The following CENPC variants were observed in gnomAD, a reference collection of about 807,000 sequenced individuals.
CENPC encodes the protein centromere protein C, also known as CENP-C 1.
A neutral mutation model predicts 112.1 loss-of-function variants in CENPC; 63 were observed. That is an observed-to-expected ratio of 0.56 (90% CI 0.46 to 0.69). The LOEUF (loss-of-function observed/expected upper bound fraction) is 0.69. Ranked by LOEUF, CENPC falls within the 30% of genes least tolerant of loss-of-function variation. The pLI is 0.00. For missense variants in CENPC, 1,000 were observed against 1,103.8 expected (o/e 0.91, Z 1.33); for synonymous variants, 333 against 367.6 (o/e 0.91, Z 1.08).
chr4:67,481,512 A>C (rs993366316), intron 17 of CENPC, among the ~76,000 whole-genome samples: 3 of 152,230 alleles, frequency 2.0e-5, no homozygotes, highest in Non-Finnish European at 4.4e-5. Flanking sequence ...ACTATACTAT[A>C]AACATATAGT....
intron 9 of CENPC, chr4:67,511,025 C>T (rs1273053993): frequency 4.4e-6 from 2 of 455,944 alleles, no homozygotes; most frequent in South Asian, 1.5e-5. Flanking sequence ...TTTCAGGCAA[C>T]CTGGGGCAGA....
In CENPC at chr4:67,510,957, C is replaced by T. The variant is rs139081117; in HGVS notation, c.1612+1445G>A. On this transcript the variant is annotated intron_variant, in intron 9 of 18. Transcript: ENST00000273853. The stretch of plus-strand genomic sequence containing the variant: ...GAGATCTAGCACATTTATCCAAGTT[C>T]TGTAAGAATTTATTTACCCATCTGT... The T allele has an allele frequency of 8.2e-4, 373 of 455,028 alleles. 4 individuals are homozygous for T. Among genetic ancestry groups the T allele is most frequent in the African/African-American group, 6.7e-3 (335 of 50,150 alleles). The allele number at this position is 455,028 out of a possible 1,614,324, so 28.2% of individuals were successfully genotyped here.
rs751364436 is a variant in CENPC at position 67,514,488 on chromosome 4, T to C, written c.1030A>G (p.Arg344Gly). Residue 344 changes from arginine (R) to glycine (G), a missense_variant, in exon 8 of 19, where the codon AGA (arginine) becomes GGA (glycine). By Grantham distance (125) the Arg-to-Gly change is moderately radical. Transcript: ENST00000273853. ...TTATGATGCTTTTCTCTTGACTTTCTACCTTGAAGGAGTGCAGTGCTCTCA... is the reference window on the plus strand; with the variant it reads ...TTATGATGCTTTTCTCTTGACTTTCCACCTTGAAGGAGTGCAGTGCTCTCA... ...PAESTALLQGRKSREKHHNIL... is the reference protein window; with the variant it reads ...PAESTALLQGGKSREKHHNIL... The C allele has an allele frequency of 6.8e-6, 11 of 1,613,628 alleles. No homozygotes were observed. The South Asian group carries it at 1.2e-4, about 18-fold the overall frequency.
intron 18 of CENPC, among the ~76,000 whole-genome samples, chr4:67,473,150 G>A (rs1306604030): frequency 2.0e-5 from 3 of 151,496 alleles, no homozygotes; most frequent in South Asian, 2.1e-4. Context: ...GGCAGGTCTC[G>A]AACTCCTGGG....
In CENPC at chr4:67,490,003, T is replaced by G. The variant is rs370440331; in HGVS notation, c.2634A>C (p.Glu878Asp). The G allele has an allele frequency of 6.3e-7, 1 of 1,597,080 alleles. No individual in the cohort carries two copies. Among genetic ancestry groups the G allele is most frequent in the Non-Finnish European group, 8.5e-7 (1 of 1,171,706 alleles). The change falls in exon 17 of 19, where the codon GAA becomes GAC. Residue 878 changes from glutamate to aspartate, a missense_variant. Physicochemically the swap from Glu to Asp is conservative, Grantham distance 45. Transcript: ENST00000273853. ...STGKLILGPQ[E>D]EKGKQHVGQD... ...GGCCAACATGCTGCTTTCCCTTTTC[T>G]TCTTGTGGTCCTAATATCAATTTCC...
chr4:67,531,582 G>A (rs1263173275), intron 4 of CENPC, among the ~76,000 whole-genome samples: 4 of 152,120 alleles, frequency 2.6e-5, no homozygotes, highest in African/African-American at 9.7e-5. Flanking sequence ...TTCCTTCTGG[G>A]AGTGCGTAAA....
At chr4:67,492,343 G>A (rs1481177735) in intron 15 of CENPC, 68 bp from the exon 16 acceptor site, 1 of 974,846 alleles carries the variant, frequency 1.0e-6, no homozygotes. Context: ...AAAAAGTTCA[G>A]TACAAAATAT....
chr4:67,528,480 C>T (rs1213687297), intron 5 of CENPC, among the ~76,000 whole-genome samples: 3 of 152,126 alleles, frequency 2.0e-5, no homozygotes, highest in Admixed American at 2.0e-4. Flanking sequence ...ACCATTACCC[C>T]CTACCACAAT....
rs1364448352 is a variant in CENPC, at chr4:67,519,367, A to G, written c.467T>C (p.Val156Ala). 6.2e-7 allele frequency: 1 copy of G among 1,613,390 alleles called. No individual in the cohort carries two copies. The highest frequency in any genetic ancestry group is 8.5e-7 in the Non-Finnish European group (1 of 1,179,568). The stretch of plus-strand genomic sequence containing the variant: ...ATCCAAAAGAACAGAAGGTGAGCCA[A>G]CGGATAAGTAAAATTCTTCATCAGC... ...SEADEEFYLS[V>A]GSPSVLLDAK... Residue 156 changes from valine (V) to alanine (A), a missense_variant, in exon 6 of 19, where the codon GTT (valine) becomes GCT (alanine). Physicochemically the swap from Val to Ala is moderately conservative, Grantham distance 64. Transcript: ENST00000273853.
At chr4:67,510,395 G>A (rs983778357) in intron 9 of CENPC, among the ~76,000 whole-genome samples, 2 of 152,042 alleles carry the variant, frequency 1.3e-5, no homozygotes, top group East Asian at 3.8e-4. Flanking sequence ...TCACACATAC[G>A]ACTGTTTACT....
chr4:67,495,659 A>C (rs1434811355), intron 12 of CENPC, among the ~76,000 whole-genome samples: 1 of 152,188 alleles, frequency 6.6e-6, no homozygotes, highest in East Asian at 1.9e-4. Context: ...CAAACAAACA[A>C]ACAAAAAAAA....
At chr4:67,491,480 T>TATAGAGAGAGAG (rs1725270093) in intron 16 of CENPC, among the ~76,000 whole-genome samples, 9 of 18,102 alleles carry the variant, frequency 5.0e-4, no homozygotes, top group Admixed American at 8.2e-4. Flanking sequence ...TATATATATA[T>TATAGAGAGAGAG]AGAGAGAGAG....
chr4:67,514,205 T>C lies in CENPC; in HGVS notation c.1313A>G (p.Gln438Arg). ...KPAEEQLDVG[Q>R]SKDENIHTSH... is the part of the protein sequence containing the mutation. The stretch of plus-strand genomic sequence containing the variant: ...TGTATGTATGTTTTCATCTTTAGAC[T>C]GTCCCACATCAAGCTGTTCTTCAGC... Residue 438 changes from glutamine (Q) to arginine (R), a missense_variant, in exon 8 of 19, where the codon CAG (glutamine) becomes CGG (arginine). By Grantham distance (43) the Gln-to-Arg change is conservative. Coordinates refer to ENST00000273853, the MANE Select transcript of CENPC (RefSeq NM_001812.4). The C allele has an allele frequency of 1.9e-6, 3 of 1,613,316 alleles. No individual in the cohort carries two copies. Among genetic ancestry groups the C allele is most frequent in the Non-Finnish European group, 2.5e-6 (3 of 1,179,670 alleles).
chr4:67,485,175 A>AATT lies in CENPC; in HGVS notation c.2670+4791_2670+4792insAAT, dbSNP rs200163934. Among the ~76,000 whole-genome samples the AATT allele has an allele frequency of 2.9e-3, 442 of 152,238 alleles. 10 individuals are homozygous for AATT. In the East Asian group the frequency reaches 0.077, roughly 27 times the overall value. On this transcript the variant is annotated intron_variant, in intron 17 of 18. Coordinates refer to ENST00000273853, the MANE Select transcript of CENPC (RefSeq NM_001812.4). ...GGTCACATGCTTAGGACAACAAACT[A>AATT]CTCAATCTGATTGAAGAATCAAAGA...
At chr4:67,530,991 TGGG>T (rs1426221373) in intron 4 of CENPC, 77 bp from the exon 5 acceptor site, 4 of 661,472 alleles carry the variant, frequency 6.0e-6, no homozygotes, top group Admixed American at 3.7e-5. Flanking sequence ...GTTTTTTAAA[TGGG>T]GGGAAAAACA....
Position 67,545,398 on chromosome 4 carries a change from C to A in CENPC, c.-43G>T. On this transcript the variant is annotated 5_prime_UTR_variant, in exon 1 of 19. Transcript: ENST00000273853. ...CCAGCGCAACTGTCTGAGGTGGAAG[C>A]CCACACGGACCACAGCTCCAGGAAG... is the stretch of plus-strand genomic sequence containing the variant. The A allele has an allele frequency of 6.7e-7, 1 of 1,486,632 alleles. No individual in the cohort carries two copies. Among genetic ancestry groups the A allele is most frequent in the South Asian group, 1.3e-5 (1 of 77,484 alleles). The allele number at this position is 1,486,632 out of a possible 1,614,324, so 92.1% of individuals were successfully genotyped here. A position where few individuals can be genotyped will look rare whatever the true frequency, so the allele number is the denominator to read the frequency against.
In CENPC at chr4:67,492,931, T is replaced by C; in HGVS notation, c.2357A>G (p.Asn786Ser). The C allele has an allele frequency of 6.4e-7, 1 of 1,564,020 alleles. No individual in the cohort carries two copies. The highest frequency in any genetic ancestry group is 8.7e-7 in the Non-Finnish European group (1 of 1,152,334). ...AGATTTTTTGTTGACTTTTCCAATATTTTCTTTTGCCTTCCTTTTAGACGA... is the reference window on the plus strand; with the variant it reads ...AGATTTTTTGTTGACTTTTCCAATACTTTCTTTTGCCTTCCTTTTAGACGA... ...TISSKRKAKE[N>S]IGKVNKKSNK... Residue 786 changes from asparagine to serine, a missense_variant, in exon 15 of 19, where the codon AAT becomes AGT. Transcript: ENST00000273853.
chr4:67,545,276 C>T, intron 1 of CENPC, 62 bp downstream of exon 1: 12 of 1,437,818 alleles, frequency 8.3e-6, no homozygotes, highest in Non-Finnish European at 1.1e-5. Context: ...TCCCCAGCCT[C>T]GGGCGCCCGT....
At chr4:67,531,049 TTTTTA>T (rs1242198981) in intron 4 of CENPC, 135 bp from the exon 5 acceptor site, 2 of 461,284 alleles carry the variant, frequency 4.3e-6, no homozygotes, top group African/African-American at 4.1e-5. Context: ...TTTATACTAC[TTTTTA>T]TTTTATTTCT....
Sources: gnomAD v4.1 joint callset for allele counts (sites outside exome capture counted in the v4.1 genomes callset) on GRCh38, gnomAD v4.1.1 for gene constraint, MANE v1.5 for transcripts, NCBI Gene and HGNC (gene_info 2026-07-23, HGNC 2026-07-21) for gene names.